The following SDK2 variants were observed in gnomAD, a reference collection of about 807,000 sequenced individuals.
SDK2 encodes the protein sidekick cell adhesion molecule 2.
Under a neutral mutation model 253.9 loss-of-function variants are expected in SDK2, and 105 were observed. That is an observed-to-expected ratio of 0.41 (90% CI 0.35 to 0.49). SDK2 has a LOEUF of 0.49. SDK2 is among the 20% of genes least tolerant of loss of function. The pLI is 0.06. For synonymous variants in SDK2, 1,249 were observed against 1,234.9 expected, an observed-to-expected ratio of 1.01 and a Z score of -0.24; for missense variants, 2,608 against 3,003.0, an observed-to-expected ratio of 0.87 and a Z score of 3.07.
intron 44 of SDK2, among the ~76,000 whole-genome samples, chr17:73,344,172 G>A (rs536716400): frequency 6.6e-6 from 1 of 152,248 alleles, no homozygotes; most frequent in East Asian, 1.9e-4. Context: ...TCGAGGCTCT[G>A]GGCTCCCTGT....
intron 2 of SDK2, among the ~76,000 whole-genome samples, chr17:73,493,639 G>A (rs1380149219): frequency 1.3e-5 from 2 of 152,232 alleles, no homozygotes; most frequent in African/African-American, 4.8e-5. Context: ...TCTATAAAAT[G>A]GGAGGCATTA....
At position 73,455,654 on chromosome 17, in the gene SDK2, A is replaced by G. The variant is rs573110911; in HGVS notation, c.479+252T>C. 1.9e-4 allele frequency among the ~76,000 whole-genome samples: 29 copies of G among 152,290 alleles called. No individual in the cohort carries two copies. The highest frequency in any genetic ancestry group is 7.0e-4 in the African/African-American group (29 of 41,568). On this transcript the variant is annotated intron_variant, in intron 4 of 44. Coordinates refer to ENST00000392650, the MANE Select transcript of SDK2 (RefSeq NM_001144952.2). This position sits in a 1 kb window ranked among gnomAD's most constrained non-coding sequence, Gnocchi z 5.0. ...GCTCTGAAAAGCAGATTTATTCTCC[A>G]GCTGATGGTGGAGGCAACGCCCTGG... is the stretch of plus-strand genomic sequence containing the variant.
Position 73,361,858 on chromosome 17 carries a change from C to T in SDK2, c.5306-13G>A. ...ATCTTGCTGACTCCTGGGGGAGGCA[C>T]AGCAAGTGGGGACTGGGCACAGGGC... On this transcript the variant is annotated splice_polypyrimidine_tract_variant and intron_variant, in intron 38 of 44. Coordinates refer to ENST00000392650, the MANE Select transcript of SDK2 (RefSeq NM_001144952.2). The surrounding 1 kb of genome is among the most constrained non-coding windows in gnomAD (Gnocchi z 4.1). The T allele has an allele frequency of 6.4e-7, 1 of 1,568,430 alleles. No homozygotes were observed. The highest frequency in any genetic ancestry group is 1.2e-5 in the South Asian group (1 of 86,308).
intron 1 of SDK2, among the ~76,000 whole-genome samples, chr17:73,608,904 G>A (rs1227838910): frequency 6.6e-6 from 1 of 152,208 alleles, no homozygotes; most frequent in Non-Finnish European, 1.5e-5. Context: ...GATGGTGGCT[G>A]GCACCGTGTC....
intron 38 of SDK2, among the ~76,000 whole-genome samples, chr17:73,363,448 G>A (rs933548288): frequency 6.6e-6 from 1 of 152,170 alleles, no homozygotes; most frequent in African/African-American, 2.4e-5. Flanking sequence ...CTGGGACCAG[G>A]AACAGGGACT....
At chr17:73,622,702 C>T (rs2046148690) in intron 1 of SDK2, among the ~76,000 whole-genome samples, 1 of 152,226 alleles carries the variant, frequency 6.6e-6, no homozygotes, top group African/African-American at 2.4e-5. Context: ...GGACAAGGGC[C>T]TCAGAAGGAC....
rs950015374 is a variant in SDK2, at chr17:73,541,300, G to T, written c.65-33703C>A. ...CCAGGAGCTCTCCACCCTTCTAAAA[G>T]GTGGACCAGGGCCAGAGCCAGGCTC... On this transcript the variant is annotated intron_variant, in intron 1 of 44. Coordinates refer to ENST00000392650, the MANE Select transcript of SDK2 (RefSeq NM_001144952.2). This position sits in a 1 kb window ranked among gnomAD's most constrained non-coding sequence, Gnocchi z 4.3. Among the ~76,000 whole-genome samples the T allele has an allele frequency of 6.6e-6, 1 of 152,198 alleles. No individual in the cohort carries two copies. The highest frequency in any genetic ancestry group is 2.4e-5 in the African/African-American group (1 of 41,458).
In SDK2 at chr17:73,567,464, C is replaced by A. The variant is rs182339986; in HGVS notation, c.65-59867G>T. ...AAGCAAAAACGTGGGGTTGAAGCTC[C>A]CACAGGGTCCTCACCGGGACACTGC... On this transcript the variant is annotated intron_variant, in intron 1 of 44. Transcript: ENST00000392650. Among the ~76,000 whole-genome samples, 9 of 152,368 alleles carry A rather than the reference C, an allele frequency of 5.9e-5. No homozygotes were observed. The East Asian group carries it at 1.7e-3, about 29-fold the overall frequency.
rs148020270 is a variant in SDK2, at chr17:73,617,829, C to A, written c.64+26196G>T. On this transcript the variant is annotated intron_variant, in intron 1 of 44. Transcript: ENST00000392650. ...CATCATAAGAGGGAGCCTGAAAAGG[C>A]CTCTGGAAGTCATCTCATCCATCCC... is the stretch of plus-strand genomic sequence containing the variant. Among the ~76,000 whole-genome samples the A allele has an allele frequency of 5.6e-4, 86 of 152,274 alleles. 1 individual carries two copies. Among genetic ancestry groups the A allele is most frequent in the African/African-American group, 2.0e-3 (84 of 41,552 alleles).
At chr17:73,489,404 T>A (rs1567802510) in intron 2 of SDK2, among the ~76,000 whole-genome samples, 1 of 151,982 alleles carries the variant, frequency 6.6e-6, no homozygotes, top group Non-Finnish European at 1.5e-5. Context: ...CATACTACGA[T>A]TGGAGGTGGC....
intron 1 of SDK2, among the ~76,000 whole-genome samples, chr17:73,626,602 G>C (rs1411363904): frequency 2.6e-5 from 4 of 152,234 alleles, no homozygotes; most frequent in African/African-American, 7.2e-5. Context: ...CTGGTGGAGA[G>C]CAAAGCCAGC....
In SDK2 at chr17:73,440,938, G is replaced by C; in HGVS notation, c.614-15C>G. The C allele has an allele frequency of 1.3e-6, 2 of 1,523,304 alleles. No individual in the cohort carries two copies. The highest frequency in any genetic ancestry group is 1.8e-6 in the Non-Finnish European group (2 of 1,122,760). 94.4% of individuals were successfully genotyped at this position (1,523,304 alleles called of 1,614,324 possible). ...CCCCCCTACATCTGGAGAGAGATCAGATGTTAGCTGGGGGCGAGGCTGGAA... is the reference window on the plus strand; with the variant it reads ...CCCCCCTACATCTGGAGAGAGATCACATGTTAGCTGGGGGCGAGGCTGGAA... On this transcript the variant is annotated splice_polypyrimidine_tract_variant and intron_variant, in intron 5 of 44. Coordinates refer to ENST00000392650, the MANE Select transcript of SDK2 (RefSeq NM_001144952.2).
chr17:73,361,832 G>A lies in SDK2; in HGVS notation c.5319C>T (p.Ile1773=), dbSNP rs575452411. ...TGTTCCCCTTCACGTCCACGGTCACGATCTTGCTGACTCCTGGGGGAGGCA... is the reference window on the plus strand; with the variant it reads ...TGTTCCCCTTCACGTCCACGGTCACAATCTTGCTGACTCCTGGGGGAGGCA... ...PCSPVDGVSK[I]VTVDVKGNSP... is the part of the protein sequence containing the mutation. Residue 1773 remains isoleucine (I), a synonymous_variant, in exon 39 of 45, where the codon ATC becomes ATT. Coordinates refer to ENST00000392650, the MANE Select transcript of SDK2 (RefSeq NM_001144952.2). The surrounding 1 kb of genome is among the most constrained non-coding windows in gnomAD (Gnocchi z 4.1). The A allele has an allele frequency of 5.1e-5, 81 of 1,594,252 alleles. 1 individual carries two copies. In the East Asian group the frequency reaches 6.6e-4, roughly 13 times the overall value.
Position 73,395,542 on chromosome 17 carries a change from C to A in SDK2, c.3355-150G>T. On this transcript the variant is annotated intron_variant, in intron 24 of 44. Transcript: ENST00000392650. This position sits in a 1 kb window ranked among gnomAD's most constrained non-coding sequence, Gnocchi z 4.3. The stretch of plus-strand genomic sequence containing the variant: ...AGTGTCCACATGAGGCTCTCTCACC[C>A]GAGTGTGGCTTAGGTTGTGTGACTG... The A allele has an allele frequency of 1.6e-6, 1 of 632,308 alleles. No individual in the cohort carries two copies. Among genetic ancestry groups the A allele is most frequent in the Non-Finnish European group, 2.8e-6 (1 of 358,584 alleles). 39.2% of individuals were successfully genotyped at this position (632,308 alleles called of 1,614,324 possible). A position where few individuals can be genotyped will look rare whatever the true frequency, so the allele number is the denominator to read the frequency against.
rs2062369009 is a variant in SDK2, at chr17:73,335,235, C to G, written c.*3352G>C. On this transcript the variant is annotated 3_prime_UTR_variant, in exon 45 of 45. Coordinates refer to ENST00000392650, the MANE Select transcript of SDK2 (RefSeq NM_001144952.2). Reference sequence around the variant, plus strand: ...TGTGGGTGTGGAGCTGACGTCAACTCTGGAGGCGCAGCCAGGAAGGGGAAA... The same window carrying G: ...TGTGGGTGTGGAGCTGACGTCAACTGTGGAGGCGCAGCCAGGAAGGGGAAA... The G allele has an allele frequency of 6.6e-6, 1 of 152,640 alleles. No individual in the cohort carries two copies. Among genetic ancestry groups the G allele is most frequent in the Non-Finnish European group, 1.5e-5 (1 of 68,356 alleles). The allele number at this position is 152,640 out of a possible 1,614,324, so 9.5% of individuals were successfully genotyped here.
intron 1 of SDK2, among the ~76,000 whole-genome samples, chr17:73,552,285 T>C (rs2045073459): frequency 6.6e-6 from 1 of 152,264 alleles, no homozygotes. Context: ...ACGACACATT[T>C]TTTCAATTAC....
intron 2 of SDK2, among the ~76,000 whole-genome samples, chr17:73,487,095 G>A (rs7209375): frequency 0.27 from 40,267 of 151,846 alleles, 6,129 homozygotes; most frequent in East Asian, 0.47. Context: ...CACCATGCCC[G>A]GCTAATTTTT....
chr17:73,579,515 T>C lies in SDK2; in HGVS notation c.64+64510A>G, dbSNP rs141690643. On this transcript the variant is annotated intron_variant, in intron 1 of 44. Transcript: ENST00000392650. ...GCTCACGTAGCGCTTCTCAGGAAGC[T>C]GTGATGGGCTGAATTGCCCTACCCA... Among the ~76,000 whole-genome samples, 264 of 152,288 alleles carry C rather than the reference T, an allele frequency of 1.7e-3. 1 individual carries two copies. Among genetic ancestry groups the C allele is most frequent in the African/African-American group, 6.1e-3 (253 of 41,544 alleles).
In SDK2 at chr17:73,562,774, G is replaced by T. The variant is rs570221167; in HGVS notation, c.65-55177C>A. On this transcript the variant is annotated intron_variant, in intron 1 of 44. Transcript: ENST00000392650. The stretch of plus-strand genomic sequence containing the variant: ...CAGCAAGGCATTCTGTGCGGAAGGC[G>T]CCACGGGCTGCTGGAAATGCCACGT... Among the ~76,000 whole-genome samples the T allele has an allele frequency of 7.7e-3, 1,176 of 152,336 alleles. 6 individuals carry two copies. Among genetic ancestry groups the T allele is most frequent in the Middle Eastern group, 0.02 (6 of 294 alleles).
Sources: allele counts gnomAD v4.1 joint callset (sites outside exome capture counted in the v4.1 genomes callset), GRCh38; gene constraint gnomAD v4.1.1; non-coding constraint Gnocchi (gnomAD v3.1); transcripts MANE v1.5; gene names NCBI Gene and HGNC (gene_info 2026-07-23, HGNC 2026-07-21).